The following OSBPL2 variants were observed in gnomAD, a reference collection of about 807,000 sequenced individuals.
The protein encoded by OSBPL2 is oxysterol binding protein like 2, also known as oxysterol-binding protein-related protein 2.
OSBPL2 carries 18 observed loss-of-function variants against 58.4 expected under a neutral mutation model. The ratio of observed to expected loss-of-function variants is 0.31; its 90% CI spans 0.21 to 0.46. The LOEUF is 0.46. Ranked by LOEUF, OSBPL2 falls within the 20% of genes least tolerant of loss-of-function variation. OSBPL2 has a pLI of 1.00. For synonymous variants in OSBPL2, 221 were observed against 234.1 expected (o/e 0.94, Z 0.51); for missense variants, 461 against 616.5 (o/e 0.75, Z 2.67).
intron 1 of OSBPL2, among the ~76,000 whole-genome samples, chr20:62,252,617 T>TA (rs373095969): frequency 4.6e-5 from 7 of 152,192 alleles, no homozygotes; most frequent in African/African-American, 1.7e-4. Flanking sequence ...TGTACTTCCC[T>TA]AGGTTGGGAA....
Position 62,289,219 on chromosome 20 carries a change from A to G in OSBPL2, c.1138A>G (p.Thr380Ala), listed in dbSNP as rs751034231. 1 of 1,613,750 alleles carries G rather than the reference A, an allele frequency of 6.2e-7. No individual in the cohort carries two copies. The highest frequency in any genetic ancestry group is 1.7e-5 in the Admixed American group (1 of 59,986). The change falls in exon 12 of 14, where the codon ACC (threonine) becomes GCC (alanine). Residue 380 changes from threonine (T) to alanine (A), a missense_variant. Physicochemically the swap from Thr to Ala is moderately conservative, Grantham distance 58 (BLOSUM62 0). Transcript: ENST00000313733. ...PPNSAQMYNF[T>A]SFTVSLNELE... Reference sequence around the variant, plus strand: ...CCTTGCTCCACAGATGTATAATTTCACCAGTTTCACTGTGAGCCTCAACGA... The same window carrying G: ...CCTTGCTCCACAGATGTATAATTTCGCCAGTTTCACTGTGAGCCTCAACGA...
intron 4 of OSBPL2, among the ~76,000 whole-genome samples, chr20:62,270,211 A>C (rs1191037806): frequency 6.6e-6 from 1 of 152,180 alleles, no homozygotes; most frequent in African/African-American, 2.4e-5. Flanking sequence ...GAGGAGCCTG[A>C]GAGGCTTAGC....
chr20:62,253,318 A>G (rs556023760), intron 1 of OSBPL2, among the ~76,000 whole-genome samples: 74 of 152,180 alleles, frequency 4.9e-4, no homozygotes, highest in Non-Finnish European at 6.9e-4. Flanking sequence ...GCCAGTTTCA[A>G]AATAACTTGT....
rs942500567 is a variant in OSBPL2 at position 62,267,351 on chromosome 20, G to C, written c.258+3660G>C. Among the ~76,000 whole-genome samples, 3 of 152,304 alleles carry C rather than the reference G, an allele frequency of 2.0e-5. No homozygotes were observed. In the East Asian group the frequency reaches 5.8e-4, roughly 29 times the overall value. The stretch of plus-strand genomic sequence containing the variant: ...TGATCACCCTTTATTGATTGCCGGG[G>C]ATAGTTCTGGATGTCTTCCAGTCCA... On this transcript the variant is annotated intron_variant, in intron 4 of 13. Transcript: ENST00000313733.
intron 9 of OSBPL2, among the ~76,000 whole-genome samples, chr20:62,282,908 A>C (rs145051636): frequency 5.9e-4 from 90 of 152,354 alleles, no homozygotes; most frequent in African/African-American, 2.1e-3. Flanking sequence ...CAGCCTATAA[A>C]ATAAAATGGC....
At chr20:62,287,762 A>G (rs1983226420) in intron 11 of OSBPL2, among the ~76,000 whole-genome samples, 1 of 152,168 alleles carries the variant, frequency 6.6e-6, no homozygotes, top group African/African-American at 2.4e-5. Context: ...CCTGCCAATG[A>G]TACTATTGGT....
chr20:62,280,860 T>C (rs570890421), intron 7 of OSBPL2, among the ~76,000 whole-genome samples, 198 bp from the exon 8 acceptor site: 1 of 152,348 alleles, frequency 6.6e-6, no homozygotes, highest in East Asian at 1.9e-4. Flanking sequence ...GCTTTGTAGA[T>C]GCTACAAAGG....
At chr20:62,275,983 CGCT>C (rs1448569652) in intron 6 of OSBPL2, among the ~76,000 whole-genome samples, 1 of 151,076 alleles carries the variant, frequency 6.6e-6, no homozygotes, top group Non-Finnish European at 1.5e-5. Context: ...GATCTCCACT[CGCT>C]GCAACCTCCG....
rs376892450 is a variant in OSBPL2 at position 62,263,611 on chromosome 20, C to T, written c.183-5C>T. 1.2e-5 allele frequency: 20 copies of T among 1,613,632 alleles called. No homozygotes were observed. The highest frequency in any genetic ancestry group is 9.3e-5 in the African/African-American group (7 of 74,904). ...ACCCACACGCACCCCTTTTGTGCTT[C>T]GCAGGACATCGCTGCCGGCTCCCAT... is the stretch of plus-strand genomic sequence containing the variant. On this transcript the variant is annotated splice_polypyrimidine_tract_variant and splice_region_variant and intron_variant, in intron 3 of 13. Transcript: ENST00000313733.
At chr20:62,264,178 TGAAACGGGACATAAGAAC>T (rs1162805714) in intron 4 of OSBPL2, among the ~76,000 whole-genome samples, 1 of 151,864 alleles carries the variant, frequency 6.6e-6, no homozygotes, top group African/African-American at 2.4e-5. Context: ...GTTCTGTAGG[TGAAACGGGACATAAGAAC>T]CATCCTGCAA....
intron 1 of OSBPL2, chr20:62,242,246 A>G (rs1023121554): frequency 1.3e-5 from 2 of 152,214 alleles, no homozygotes; most frequent in Non-Finnish European, 2.9e-5. Flanking sequence ...AGCTCTTGAT[A>G]ATAAAAGCAT....
At chr20:62,282,073 T>C (rs1050271166) in intron 9 of OSBPL2, 194 bp downstream of exon 9, 1 of 431,004 alleles carries the variant, frequency 2.3e-6, no homozygotes, top group Non-Finnish European at 4.2e-6. Flanking sequence ...TAAAAGGAAA[T>C]AAAGGGTATT....
intron 1 of OSBPL2, among the ~76,000 whole-genome samples, chr20:62,254,249 A>G (rs1277600767): frequency 6.6e-6 from 1 of 152,168 alleles, no homozygotes; most frequent in Non-Finnish European, 1.5e-5. Context: ...AGGGACGCAC[A>G]TTCCAACTCT....
intron 1 of OSBPL2, among the ~76,000 whole-genome samples, chr20:62,253,542 C>T (rs946008665): frequency 6.6e-6 from 1 of 152,198 alleles, no homozygotes; most frequent in Non-Finnish European, 1.5e-5. Flanking sequence ...AGCAGTGCCA[C>T]AGGCTGGGCA....
At chr20:62,249,851 G>A (rs1050417196) in intron 1 of OSBPL2, among the ~76,000 whole-genome samples, 5 of 152,242 alleles carry the variant, frequency 3.3e-5, no homozygotes, top group African/African-American at 9.6e-5. Context: ...TGGGATTACA[G>A]GCCTGAGCCA....
rs539197511 is a variant in OSBPL2, at chr20:62,263,861, C to T, written c.258+170C>T. Among the ~76,000 whole-genome samples the T allele has an allele frequency of 3.7e-4, 57 of 152,138 alleles. No homozygotes were observed. The South Asian group carries it at 3.9e-3, about 11-fold the overall frequency. On this transcript the variant is annotated intron_variant, in intron 4 of 13. Transcript: ENST00000313733. ...TGGGCGGATCACGAGGTCAGGAGAT[C>T]GAGACCATCCTGGCTAACACAGTGA...
In OSBPL2 at chr20:62,257,759, G is replaced by T. The variant is rs186514386; in HGVS notation, c.37+1538G>T. Among the ~76,000 whole-genome samples the T allele has an allele frequency of 3.3e-5, 5 of 150,342 alleles. No homozygotes were observed. The East Asian group carries it at 9.8e-4, about 30-fold the overall frequency. On this transcript the variant is annotated intron_variant, in intron 2 of 13. Transcript: ENST00000313733. The stretch of plus-strand genomic sequence containing the variant: ...AGCCAGAGTCTTGCTTTGTCGCCCA[G>T]GCTGGAGTGCAGTGGCGTGATCTCA...
intron 9 of OSBPL2, among the ~76,000 whole-genome samples, chr20:62,283,404 C>T (rs1295814415): frequency 1.2e-4 from 18 of 152,130 alleles, no homozygotes; most frequent in African/African-American, 3.1e-4. Flanking sequence ...TCTGTGGTCA[C>T]GGTTGACTCT....
At chr20:62,279,928 T>C in intron 7 of OSBPL2, 2 of 1,298,708 alleles carry the variant, frequency 1.5e-6, no homozygotes, top group South Asian at 1.2e-5. Flanking sequence ...GGGTTGGAAT[T>C]TGAAACAGCG....
Sources: gnomAD v4.1 joint callset for allele counts (sites outside exome capture counted in the v4.1 genomes callset) on GRCh38, gnomAD v4.1.1 for gene constraint, MANE v1.5 for transcripts, NCBI Gene and HGNC (gene_info 2026-07-23, HGNC 2026-07-21) for gene names.